Variants in SAMD4A observed in about 807,000 individuals in gnomAD.
SAMD4A encodes sterile alpha motif domain containing 4A.
In SAMD4A, 33 loss-of-function variants were observed where a neutral mutation model predicts 81.3. The observed-to-expected ratio is 0.41, with a 90% CI of 0.31 to 0.54. The LOEUF is 0.54. Among genes scored for constraint, SAMD4A ranks in the 20% least tolerant of loss-of-function variants. The probability of loss-of-function intolerance (pLI) is 0.37; values close to 1 mark genes in which losing one functional copy is unlikely to be tolerated. For synonymous variants in SAMD4A, 389 were observed against 382.1 expected (o/e 1.02, Z -0.21); for missense variants, 854 against 951.1 (o/e 0.90, Z 1.34).
At chr14:54,571,766 C>G (rs2033135465) in intron 2 of SAMD4A, among the ~76,000 whole-genome samples, 1 of 152,120 alleles carries the variant, frequency 6.6e-6, no homozygotes, top group Non-Finnish European at 1.5e-5. Flanking sequence ...AGACACAATT[C>G]TAACTTTTTT....
chr14:54,636,872 C>T (rs755441166), intron 2 of SAMD4A, among the ~76,000 whole-genome samples: 4 of 152,146 alleles, frequency 2.6e-5, no homozygotes, highest in Non-Finnish European at 5.9e-5. Context: ...TTGATTATAC[C>T]TCCAAGTCCC....
At chr14:54,774,652 C>A (rs868330346) in intron 9 of SAMD4A, among the ~76,000 whole-genome samples, 11 of 134,026 alleles carry the variant, frequency 8.2e-5, no homozygotes, top group Admixed American at 2.2e-4. Flanking sequence ...CCATCTCTAC[C>A]AAAAAAAAAA....
At chr14:54,724,492 A>G (rs1045473793) in intron 3 of SAMD4A, among the ~76,000 whole-genome samples, 4 of 152,196 alleles carry the variant, frequency 2.6e-5, no homozygotes, top group African/African-American at 9.7e-5. Flanking sequence ...AAGCCGACAC[A>G]TAGTCGGCAC....
intron 11 of SAMD4A, among the ~76,000 whole-genome samples, chr14:54,779,070 A>T (rs1389020954): frequency 6.6e-6 from 1 of 151,754 alleles, no homozygotes; most frequent in Non-Finnish European, 1.5e-5. Context: ...TCCTAGAGTC[A>T]TAGAGTCAGG....
In SAMD4A at chr14:54,576,001, C is replaced by CTTTTTTTT. The variant is rs57819180; in HGVS notation, c.196+7919_196+7926dup. On this transcript the variant is annotated intron_variant, in intron 2 of 12. Transcript: ENST00000554335. ...CCAGGAAAGATTTCTTTCTTTCTTT[C>CTTTTTTTT]TTTTTTTTTTTTTTTTTTTTTTTTT... is the stretch of plus-strand genomic sequence containing the variant. Among the ~76,000 whole-genome samples the CTTTTTTTT allele has an allele frequency of 2.4e-3, 193 of 79,992 alleles. 21 individuals are homozygous for CTTTTTTTT. The highest frequency in any genetic ancestry group is 0.015 in the East Asian group (30 of 1,988). 52.5% of individuals were successfully genotyped at this position (79,992 alleles called of 152,430 possible). A position where few individuals can be genotyped will look rare whatever the true frequency, so the allele number is the denominator to read the frequency against.
chr14:54,660,842 C>T (rs1022594237), intron 2 of SAMD4A, among the ~76,000 whole-genome samples: 1 of 152,188 alleles, frequency 6.6e-6, no homozygotes, highest in Non-Finnish European at 1.5e-5. Context: ...CAAGCATATC[C>T]CTCCAGTCCT....
At chr14:54,582,726 C>G (rs752301048) in intron 2 of SAMD4A, among the ~76,000 whole-genome samples, 3 of 152,116 alleles carry the variant, frequency 2.0e-5, no homozygotes, top group Non-Finnish European at 4.4e-5. Context: ...ATGCTGTTAT[C>G]AATTATACAT....
chr14:54,732,479 T>C (rs566008366), intron 3 of SAMD4A, among the ~76,000 whole-genome samples: 1 of 152,296 alleles, frequency 6.6e-6, no homozygotes, highest in East Asian at 1.9e-4. Context: ...GGAATATATG[T>C]TCATAACATT....
In SAMD4A at chr14:54,615,052, C is replaced by T. The variant is rs1490217324; in HGVS notation, c.196+46940C>T. On this transcript the variant is annotated intron_variant, in intron 2 of 12. Coordinates refer to ENST00000554335, the MANE Select transcript of SAMD4A (RefSeq NM_015589.6). ...CATGTATCTAGTGAAGAGGAGATGGCTGAGAAGTTGAGTCCTGGCACCTTC... is the reference window on the plus strand; with the variant it reads ...CATGTATCTAGTGAAGAGGAGATGGTTGAGAAGTTGAGTCCTGGCACCTTC... Among the ~76,000 whole-genome samples, 3 of 152,160 alleles carry T rather than the reference C, an allele frequency of 2.0e-5. No homozygotes were observed. The East Asian group carries it at 5.8e-4, about 29-fold the overall frequency.
intron 9 of SAMD4A, among the ~76,000 whole-genome samples, chr14:54,772,567 G>A (rs567310472): frequency 6.6e-6 from 1 of 152,278 alleles, no homozygotes; most frequent in East Asian, 1.9e-4. Flanking sequence ...TCCCATAACA[G>A]AGTCCTCTTC....
At chr14:54,646,827 C>T (rs935711595) in intron 2 of SAMD4A, among the ~76,000 whole-genome samples, 3 of 152,168 alleles carry the variant, frequency 2.0e-5, no homozygotes, top group Admixed American at 6.5e-5. Flanking sequence ...TTAGTTGTAT[C>T]CTGCCCGTTT....
chr14:54,700,272 G>T (rs1050744048), intron 2 of SAMD4A, among the ~76,000 whole-genome samples: 2 of 152,036 alleles, frequency 1.3e-5, no homozygotes, highest in African/African-American at 4.8e-5. Flanking sequence ...GCTCAGAGAA[G>T]GTATTTGGGG....
intron 2 of SAMD4A, among the ~76,000 whole-genome samples, chr14:54,698,034 C>T (rs138245661): frequency 1.5e-3 from 224 of 152,298 alleles, no homozygotes; most frequent in African/African-American, 5.0e-3. Flanking sequence ...AGTCACATAC[C>T]GCCATTTCCC....
intron 2 of SAMD4A, among the ~76,000 whole-genome samples, chr14:54,619,850 A>G (rs1014766748): frequency 6.6e-6 from 1 of 152,174 alleles, no homozygotes; most frequent in Non-Finnish European, 1.5e-5. Flanking sequence ...ATAGTATTTC[A>G]TGGTGTATAT....
intron 2 of SAMD4A, among the ~76,000 whole-genome samples, chr14:54,683,856 C>T (rs561212265): frequency 1.1e-4 from 17 of 152,214 alleles, no homozygotes; most frequent in African/African-American, 3.4e-4. Context: ...TGAGATCATC[C>T]GTATGGGATC....
At chr14:54,626,225 G>T (rs2140321228) in intron 2 of SAMD4A, among the ~76,000 whole-genome samples, 1 of 152,220 alleles carries the variant, frequency 6.6e-6, no homozygotes, top group South Asian at 2.1e-4. Flanking sequence ...CACAGTAAAT[G>T]TTAGATGTTA....
intron 2 of SAMD4A, among the ~76,000 whole-genome samples, chr14:54,697,915 C>T (rs115151767): frequency 5.3e-5 from 8 of 152,280 alleles, no homozygotes; most frequent in African/African-American, 1.7e-4. Context: ...AAGGACCTCC[C>T]CATTGGGTTG....
At chr14:54,732,212 C>A (rs980416203) in intron 3 of SAMD4A, among the ~76,000 whole-genome samples, 17 of 152,140 alleles carry the variant, frequency 1.1e-4, no homozygotes, top group Non-Finnish European at 1.5e-5. Flanking sequence ...TATTTCAAAT[C>A]TGCTGATTTT....
intron 9 of SAMD4A, 99 bp from the exon 10 acceptor site, chr14:54,774,835 A>AG (rs2038797860): frequency 1.1e-6 from 1 of 937,182 alleles, no homozygotes; most frequent in South Asian, 1.7e-5. Flanking sequence ...AAAAAAAAAA[A>AG]TGAGGAGACC....
Sources: allele counts gnomAD v4.1 joint callset (sites outside exome capture counted in the v4.1 genomes callset), GRCh38; gene constraint gnomAD v4.1.1; transcripts MANE v1.5; gene names NCBI Gene and HGNC (gene_info 2026-07-23, HGNC 2026-07-21).